CEP120: variants seen among roughly 807,000 people sequenced by gnomAD.
The protein encoded by CEP120 is centrosomal protein of 120 kDa.
In CEP120, 113 loss-of-function variants were observed where a neutral mutation model predicts 126.5. The observed-to-expected ratio is 0.89, with a 90% CI of 0.77 to 1.04. The LOEUF (loss-of-function observed/expected upper bound fraction) is 1.04, where lower values mean the gene tolerates loss of function less well. CEP120 is among the 50% of genes least tolerant of loss of function. The probability of loss-of-function intolerance (pLI) is 0.00; values close to 1 mark genes in which losing one functional copy is unlikely to be tolerated. For missense variants in CEP120, 1,230 were observed against 1,155.7 expected, an observed-to-expected ratio of 1.06 and a Z score of -0.93; for synonymous variants, 400 against 394.3, an observed-to-expected ratio of 1.01 and a Z score of -0.17.
chr5:123,401,926 A>G, intron 4 of CEP120: 1 of 1,555,862 alleles, frequency 6.4e-7, no homozygotes, highest in South Asian at 1.1e-5. Context: ...TAGCTCTTGA[A>G]CATGTTGTCC....
intron 4 of CEP120, among the ~76,000 whole-genome samples, chr5:123,407,328 C>A (rs912607506): frequency 3.3e-5 from 5 of 151,612 alleles, no homozygotes; most frequent in Middle Eastern, 3.2e-3. Flanking sequence ...CAGAGTGGAC[C>A]AAAAAACAAG....
intron 10 of CEP120, among the ~76,000 whole-genome samples, chr5:123,386,257 T>G (rs184940504): frequency 6.6e-6 from 1 of 152,106 alleles, no homozygotes; most frequent in African/African-American, 2.4e-5. Flanking sequence ...TCATTACATA[T>G]AGTTTGTTTT....
At chr5:123,407,405 C>A (rs1199465673) in intron 4 of CEP120, among the ~76,000 whole-genome samples, 2 of 151,984 alleles carry the variant, frequency 1.3e-5, no homozygotes, top group Non-Finnish European at 2.9e-5. Context: ...AGATTAAAAG[C>A]TATACTAATC....
intron 17 of CEP120, among the ~76,000 whole-genome samples, chr5:123,365,239 C>T (rs897656603): frequency 6.9e-6 from 1 of 144,262 alleles, no homozygotes; most frequent in African/African-American, 2.6e-5. Flanking sequence ...ATAAAGAAAA[C>T]ACTAAAGTGA....
intron 18 of CEP120, among the ~76,000 whole-genome samples, chr5:123,357,927 G>T (rs1322893302): frequency 6.6e-6 from 1 of 152,006 alleles, no homozygotes; most frequent in African/African-American, 2.4e-5. Context: ...TGCTACTACT[G>T]GGAATTATAA....
At chr5:123,417,916 C>T (rs938126581) in intron 2 of CEP120, among the ~76,000 whole-genome samples, 4 of 152,126 alleles carry the variant, frequency 2.6e-5, no homozygotes, top group African/African-American at 9.7e-5. Flanking sequence ...TGATGTTTAA[C>T]TGTTATTGTT....
chr5:123,381,350 T>C (rs1771632779), intron 14 of CEP120, among the ~76,000 whole-genome samples: 1 of 149,566 alleles, frequency 6.7e-6, no homozygotes, highest in South Asian at 2.2e-4. Flanking sequence ...CAACTAGAGT[T>C]GATGAGAGGA....
intron 14 of CEP120, 142 bp from the exon 15 acceptor site, chr5:123,378,570 A>G: frequency 6.1e-6 from 3 of 489,096 alleles, no homozygotes; most frequent in Non-Finnish European, 7.1e-6. Context: ...CCGCCAATTC[A>G]AAGAAAAAAA....
intron 4 of CEP120, among the ~76,000 whole-genome samples, chr5:123,405,711 C>G (rs541300722): frequency 5.3e-5 from 8 of 152,256 alleles, no homozygotes; most frequent in Non-Finnish European, 7.4e-5. Flanking sequence ...GAATGCTTCC[C>G]CTTCCTGACT....
chr5:123,409,971 C>CAAAAAAAAAAAAAAAAAAAACAAAA (rs1773930163), intron 4 of CEP120, among the ~76,000 whole-genome samples: 1 of 67,596 alleles, frequency 1.5e-5, no homozygotes, highest in Non-Finnish European at 2.5e-5. Context: ...ACAAAACAAG[C>CAAAAAAAAAAAAAAAAAAAACAAAA]AAAAAAAAAA....
chr5:123,372,307 A>G (rs1355983327), intron 17 of CEP120, among the ~76,000 whole-genome samples: 1 of 152,112 alleles, frequency 6.6e-6, no homozygotes, highest in Non-Finnish European at 1.5e-5. Context: ...CAACCGAAGT[A>G]GACTGTTTTC....
rs1299164759 is a variant in CEP120 at position 123,416,113 on chromosome 5, G to A, written c.218C>T (p.Thr73Ile). The change falls in exon 3 of 20, where the codon ACT becomes ATT. Residue 73 changes from threonine (T) to isoleucine (I), a missense_variant. Transcript: ENST00000306467. ...GGCAAAACATTGGAGTTTGATAGGA[G>A]TACGCTGTAGCCTATAACAAAACAT... ...KALHQHRLQR[T>I]PIKLQCFALD... The A allele has an allele frequency of 6.2e-7, 1 of 1,601,754 alleles. No individual in the cohort carries two copies. The highest frequency in any genetic ancestry group is 2.2e-5 in the East Asian group (1 of 44,818).
intron 17 of CEP120, among the ~76,000 whole-genome samples, chr5:123,367,068 T>A (rs1428390): frequency 1.3e-5 from 2 of 151,296 alleles, no homozygotes; most frequent in Non-Finnish European, 3.0e-5. Context: ...ATCACATTCC[T>A]TGGTGTTTGA....
At chr5:123,392,437 C>T (rs1772465714) in intron 6 of CEP120, among the ~76,000 whole-genome samples, 2 of 152,172 alleles carry the variant, frequency 1.3e-5, no homozygotes, top group African/African-American at 4.8e-5. Context: ...TAAGCGTATA[C>T]AACACCACCC....
chr5:123,379,049 A>T (rs774860937), intron 14 of CEP120, among the ~76,000 whole-genome samples: 1 of 152,072 alleles, frequency 6.6e-6, no homozygotes, highest in Non-Finnish European at 1.5e-5. Context: ...AAAAAAATAT[A>T]GTCAAAGAAG....
At chr5:123,388,741 A>T in intron 8 of CEP120, 135 bp from the exon 9 acceptor site, 1 of 578,794 alleles carries the variant, frequency 1.7e-6, no homozygotes, top group Non-Finnish European at 2.8e-6. Flanking sequence ...GAACATATGA[A>T]TTGAGGTATA....
chr5:123,402,872 T>A (rs924317223), intron 4 of CEP120, among the ~76,000 whole-genome samples: 3 of 152,220 alleles, frequency 2.0e-5, no homozygotes, highest in Admixed American at 1.3e-4. Context: ...TCCTCCCTAA[T>A]GAATGAGATC....
At chr5:123,414,655 G>A (rs779886249) in intron 3 of CEP120, among the ~76,000 whole-genome samples, 2 of 152,046 alleles carry the variant, frequency 1.3e-5, no homozygotes, top group Non-Finnish European at 2.9e-5. Context: ...CATACAAAAA[G>A]GTCAGAAGAT....
At chr5:123,390,793 T>G in intron 7 of CEP120, 1 of 238,880 alleles carries the variant, frequency 4.2e-6, no homozygotes, top group Non-Finnish European at 8.2e-6. Context: ...GTAATGCAGA[T>G]TCCCAGAAAC....
Sources: gnomAD v4.1 joint callset for allele counts (sites outside exome capture counted in the v4.1 genomes callset) on GRCh38, gnomAD v4.1.1 for gene constraint, MANE v1.5 for transcripts, NCBI Gene and HGNC (gene_info 2026-07-23, HGNC 2026-07-21) for gene names.